Variants in XKR9 observed in about 807,000 individuals in gnomAD.
The protein encoded by XKR9 is XK related 9.
A neutral mutation model predicts 32.0 loss-of-function variants in XKR9; 32 were observed. The ratio of observed to expected loss-of-function variants is 1.00; its 90% CI spans 0.76 to 1.34. XKR9 has a LOEUF of 1.34. Among genes scored for constraint, XKR9 ranks in the 40% most tolerant of loss-of-function variants. The probability of loss-of-function intolerance (pLI) is 0.00; values close to 1 mark genes in which losing one functional copy is unlikely to be tolerated. For missense variants in XKR9, 546 were observed against 429.7 expected (o/e 1.27, Z -2.39); for synonymous variants, 168 against 143.4 (o/e 1.17, Z -1.22).
chr8:71,054,350 C>T, the XKR9 span, among the ~76,000 whole-genome samples: 1 of 152,318 alleles, frequency 6.6e-6, no homozygotes, highest in East Asian at 1.9e-4. Flanking sequence ...GTTCTTCCCA[C>T]GTAATTTCTC....
chr8:70,851,132 C>G, the XKR9 span, among the ~76,000 whole-genome samples: 1 of 152,148 alleles, frequency 6.6e-6, no homozygotes, highest in Non-Finnish European at 1.5e-5. Flanking sequence ...TTCCTATACA[C>G]CAATAATAGA....
At chr8:70,968,876 G>T in the XKR9 span, among the ~76,000 whole-genome samples, 1 of 152,166 alleles carries the variant, frequency 6.6e-6, no homozygotes, top group African/African-American at 2.4e-5. Flanking sequence ...TCATGTAGGA[G>T]GTGTCTTGAG....
At chr8:70,931,461 G>T in the XKR9 span, among the ~76,000 whole-genome samples, 15 of 152,284 alleles carry the variant, frequency 9.9e-5, no homozygotes, top group African/African-American at 3.6e-4. Flanking sequence ...CTGGCAAATG[G>T]ATAAAGTGAG....
At chr8:70,747,844 G>C (rs188867253) in intron 2 of XKR9, among the ~76,000 whole-genome samples, 1 of 152,194 alleles carries the variant, frequency 6.6e-6, no homozygotes, top group African/African-American at 2.4e-5. Flanking sequence ...TGACATTTAT[G>C]AGTCATTTAA....
the XKR9 span, among the ~76,000 whole-genome samples, chr8:70,872,468 A>G: frequency 6.6e-6 from 1 of 152,256 alleles, no homozygotes; most frequent in Non-Finnish European, 1.5e-5. Context: ...AATCTGCAAC[A>G]AGTTATTCAG....
the XKR9 span, among the ~76,000 whole-genome samples, chr8:71,027,889 G>C: frequency 6.6e-6 from 1 of 151,540 alleles, no homozygotes. Context: ...CTCCCACCTC[G>C]GCCTTCAGTA....
At chr8:70,690,629 G>T (rs1426731158) in intron 3 of XKR9, among the ~76,000 whole-genome samples, 3 of 151,708 alleles carry the variant, frequency 2.0e-5, no homozygotes, top group African/African-American at 2.4e-5. Flanking sequence ...GATTACAGGC[G>T]TGAGCCACCG....
At chr8:70,936,628 G>A in the XKR9 span, among the ~76,000 whole-genome samples, 1 of 151,992 alleles carries the variant, frequency 6.6e-6, no homozygotes. Flanking sequence ...GTTTCTAAAT[G>A]CGATGACTAT....
chr8:70,806,709 G>C, the XKR9 span, among the ~76,000 whole-genome samples: 1 of 151,590 alleles, frequency 6.6e-6, no homozygotes, highest in East Asian at 1.9e-4. Context: ...ATGCAGACAA[G>C]ACTAGAGAAA....
chr8:70,817,695 G>A, the XKR9 span, among the ~76,000 whole-genome samples: 1 of 152,106 alleles, frequency 6.6e-6, no homozygotes, highest in Non-Finnish European at 1.5e-5. Context: ...GAACAAAGCT[G>A]GAGGTATCAC....
chr8:70,992,402 T>C, the XKR9 span, among the ~76,000 whole-genome samples: 1 of 152,124 alleles, frequency 6.6e-6, no homozygotes, highest in African/African-American at 2.4e-5. Flanking sequence ...AGAGTTTCCA[T>C]ATTCCTTTTG....
chr8:70,944,765 G>T, the XKR9 span, among the ~76,000 whole-genome samples: 80 of 152,314 alleles, frequency 5.3e-4, no homozygotes, highest in Non-Finnish European at 6.0e-4. Flanking sequence ...GCAGTTTAAT[G>T]GAGAAGATCA....
chr8:70,952,011 A>G, the XKR9 span, among the ~76,000 whole-genome samples: 3 of 152,116 alleles, frequency 2.0e-5, no homozygotes, highest in African/African-American at 7.2e-5. Context: ...CTAGACTTTC[A>G]TGTCAACACA....
At chr8:70,725,690 A>G (rs1208323110) in intron 4 of XKR9, among the ~76,000 whole-genome samples, 2 of 152,028 alleles carry the variant, frequency 1.3e-5, no homozygotes, top group African/African-American at 2.4e-5. Flanking sequence ...CAGATCACTT[A>G]AGGTCAGGAG....
At chr8:71,064,318 C>G in the XKR9 span, among the ~76,000 whole-genome samples, 1 of 152,060 alleles carries the variant, frequency 6.6e-6, no homozygotes, top group African/African-American at 2.4e-5. Flanking sequence ...GTCATCACAC[C>G]TATAAAAATT....
the XKR9 span, among the ~76,000 whole-genome samples, chr8:71,027,123 T>C: frequency 6.6e-6 from 1 of 152,054 alleles, no homozygotes; most frequent in Non-Finnish European, 1.5e-5. Flanking sequence ...GGCAGTTTTA[T>C]ATGGCTTACC....
chr8:70,716,927 A>G (rs1173323277), intron 4 of XKR9, among the ~76,000 whole-genome samples: 1 of 152,160 alleles, frequency 6.6e-6, no homozygotes, highest in East Asian at 1.9e-4. Context: ...GCATTGAGTA[A>G]ATACACCCAT....
the XKR9 span, among the ~76,000 whole-genome samples, chr8:70,813,942 A>C: frequency 1.3e-5 from 2 of 152,158 alleles, no homozygotes; most frequent in African/African-American, 4.8e-5. Flanking sequence ...CCCATTACTG[A>C]GTATATACCC....
chr8:70,975,699 T>A, the XKR9 span, among the ~76,000 whole-genome samples: 1,464 of 152,302 alleles, frequency 9.6e-3, 23 homozygotes, highest in African/African-American at 0.034. Context: ...TTGTCCTTTT[T>A]GCTTAGGATT....
Sources: gnomAD v4.1 joint callset for allele counts (sites outside exome capture counted in the v4.1 genomes callset) on GRCh38, gnomAD v4.1.1 for gene constraint, MANE v1.5 for transcripts, NCBI Gene and HGNC (gene_info 2026-07-23, HGNC 2026-07-21) for gene names.